Variants in ZBTB8A observed in about 807,000 individuals in gnomAD.
The protein encoded by ZBTB8A is zinc finger and BTB domain containing 8A, also known as zinc finger and BTB domain-containing protein 8A.
Under a neutral mutation model 37.8 loss-of-function variants are expected in ZBTB8A, and 19 were observed. The observed-to-expected ratio is 0.50, with a 90% CI of 0.35 to 0.74. ZBTB8A has a LOEUF of 0.74. Ranked by LOEUF, ZBTB8A falls within the 30% of genes least tolerant of loss-of-function variation. ZBTB8A has a pLI of 0.01. For synonymous variants in ZBTB8A, 181 were observed against 185.2 expected, an observed-to-expected ratio of 0.98 and a Z score of 0.19; for missense variants, 394 against 537.8, an observed-to-expected ratio of 0.73 and a Z score of 2.65.
At chr1:32,571,581 A>T (rs1557709152) in intron 2 of ZBTB8A, among the ~76,000 whole-genome samples, 1 of 148,302 alleles carries the variant, frequency 6.7e-6, no homozygotes, top group East Asian at 2.0e-4. Flanking sequence ...TACAAATATA[A>T]TTTTTTTTTT....
At chr1:32,550,269 A>G (rs186241512) in intron 1 of ZBTB8A, among the ~76,000 whole-genome samples, 1 of 152,300 alleles carries the variant, frequency 6.6e-6, no homozygotes, top group Non-Finnish European at 1.5e-5. Context: ...TGAAAAAAAT[A>G]GCATTCCATC....
rs1014553817 is a variant in ZBTB8A, at chr1:32,602,301, C to A, written c.*1882C>A. 1 of 138,284 alleles carries A rather than the reference C, an allele frequency of 7.2e-6. No individual in the cohort carries two copies. Among genetic ancestry groups the A allele is most frequent in the Admixed American group, 7.8e-5 (1 of 12,760 alleles). The allele number at this position is 138,284 out of a possible 1,614,324, so 8.6% of individuals were successfully genotyped here. On this transcript the variant is annotated 3_prime_UTR_variant, in exon 5 of 5. Transcript: ENST00000373510. ...TGAGGTTGCGCCATTGCACTCCAGC[C>A]TGGGCAACAAGAGCGAAACTCCGTC...
chr1:32,565,958 T>C (rs1644275136), intron 2 of ZBTB8A, among the ~76,000 whole-genome samples: 1 of 152,036 alleles, frequency 6.6e-6, no homozygotes, highest in African/African-American at 2.4e-5. Flanking sequence ...TCTCAGCACT[T>C]TGGGAGGCTG....
At chr1:32,596,385 A>G (rs1347852551) in intron 4 of ZBTB8A, among the ~76,000 whole-genome samples, 3 of 150,878 alleles carry the variant, frequency 2.0e-5, no homozygotes, top group South Asian at 2.1e-4. Context: ...AAAAAAAAAG[A>G]CCAGCCTGGC....
intron 2 of ZBTB8A, among the ~76,000 whole-genome samples, chr1:32,584,842 A>G (rs1216094043): frequency 6.6e-6 from 1 of 151,216 alleles, no homozygotes; most frequent in Admixed American, 6.6e-5. Flanking sequence ...TTAATAGTTA[A>G]ATTTTAGCAG....
chr1:32,554,248 A>G (rs1205255642), intron 2 of ZBTB8A, among the ~76,000 whole-genome samples: 10 of 149,876 alleles, frequency 6.7e-5, no homozygotes, highest in Non-Finnish European at 1.2e-4. Context: ...TAGATTTTAT[A>G]TATCAGAGAA....
At chr1:32,566,712 G>T (rs932992012) in intron 2 of ZBTB8A, among the ~76,000 whole-genome samples, 1 of 152,170 alleles carries the variant, frequency 6.6e-6, no homozygotes, top group Non-Finnish European at 1.5e-5. Context: ...AGATGGGGTT[G>T]TCAAGGAAAC....
At chr1:32,576,043 G>T (rs1285041870) in intron 2 of ZBTB8A, among the ~76,000 whole-genome samples, 1 of 152,162 alleles carries the variant, frequency 6.6e-6, no homozygotes, top group Non-Finnish European at 1.5e-5. Context: ...ATATATAGCA[G>T]ATTTCACAAA....
rs1557707660 is a variant in ZBTB8A at position 32,567,814 on chromosome 1, A to AAAAC, written c.-2+14277_-2+14278insCAAA. On this transcript the variant is annotated intron_variant, in intron 2 of 4. Coordinates refer to ENST00000373510, the MANE Select transcript of ZBTB8A (RefSeq NM_001040441.3). Reference sequence around the variant, plus strand: ...CTCAAAAAAAAAAAAAAAAAAAAAAAAAAAAAAAACAAAAACAAAACAAAA... The same window carrying AAAAC: ...CTCAAAAAAAAAAAAAAAAAAAAAAAAAACAAAAAAAAACAAAAACAAAACAAAA... Among the ~76,000 whole-genome samples the AAAAC allele has an allele frequency of 2.3e-4, 7 of 30,492 alleles. 1 individual carries two copies. The highest frequency in any genetic ancestry group is 3.4e-4 in the African/African-American group (2 of 5,958). 20.0% of individuals were successfully genotyped at this position (30,492 alleles called of 152,430 possible). A position where few individuals can be genotyped will look rare whatever the true frequency, so the allele number is the denominator to read the frequency against.
rs1409608026 is a variant in ZBTB8A at position 32,603,367 on chromosome 1, A to G, written c.*2948A>G. On this transcript the variant is annotated 3_prime_UTR_variant, in exon 5 of 5. Transcript: ENST00000373510. ...CTGGTCTCGAACTCCTGACCTCGTG[A>G]TCTGCCCGCCTCAGCCTCCCAAAGT... is the stretch of plus-strand genomic sequence containing the variant. 6.6e-6 allele frequency: 1 copy of G among 152,166 alleles called. No homozygotes were observed. The highest frequency in any genetic ancestry group is 1.5e-5 in the Non-Finnish European group (1 of 68,032). The allele number at this position is 152,166 out of a possible 1,614,324, so 9.4% of individuals were successfully genotyped here.
intron 1 of ZBTB8A, among the ~76,000 whole-genome samples, chr1:32,547,828 C>CAAAAAAAAAAAAAAAAAAA (rs1194254576): frequency 2.3e-4 from 7 of 30,478 alleles, no homozygotes; most frequent in African/African-American, 4.2e-4. Flanking sequence ...ACAAACAAAG[C>CAAAAAAAAAAAAAAAAAAA]AAAAAAAAAA....
intron 1 of ZBTB8A, among the ~76,000 whole-genome samples, chr1:32,552,521 C>T (rs1277518183): frequency 2.0e-5 from 3 of 151,982 alleles, no homozygotes; most frequent in Non-Finnish European, 4.4e-5. Context: ...AAAATATTAG[C>T]CAGGCGTGAT....
intron 4 of ZBTB8A, among the ~76,000 whole-genome samples, chr1:32,598,306 C>T (rs1326991666): frequency 7.3e-6 from 1 of 137,786 alleles, no homozygotes; most frequent in African/African-American, 2.7e-5. Context: ...AATCTCAGCT[C>T]ACTGCAACCT....
chr1:32,546,481 G>T (rs1644105223), intron 1 of ZBTB8A, among the ~76,000 whole-genome samples: 1 of 151,564 alleles, frequency 6.6e-6, no homozygotes, highest in Non-Finnish European at 1.5e-5. Context: ...AGATTTTTCT[G>T]TTAAAATATA....
intron 3 of ZBTB8A, among the ~76,000 whole-genome samples, chr1:32,594,172 C>T (rs1321395728): frequency 2.1e-5 from 3 of 143,030 alleles, no homozygotes; most frequent in African/African-American, 5.2e-5. Flanking sequence ...CCATCCTGGG[C>T]GATAGAGTGA....
At chr1:32,573,237 A>AT (rs35060623) in intron 2 of ZBTB8A, among the ~76,000 whole-genome samples, 1,451 of 128,500 alleles carry the variant, frequency 0.011, 32 homozygotes, top group Admixed American at 0.056. Context: ...CACCCGGCTA[A>AT]TTTTTTTTTT....
chr1:32,599,649 G>A (rs1644560103), intron 4 of ZBTB8A, among the ~76,000 whole-genome samples: 1 of 151,956 alleles, frequency 6.6e-6, no homozygotes, highest in Non-Finnish European at 1.5e-5. Flanking sequence ...CCCCGGAGGC[G>A]GAGGTTGCAG....
chr1:32,581,283 AAT>A (rs1247798490), intron 2 of ZBTB8A, among the ~76,000 whole-genome samples: 1 of 78,344 alleles, frequency 1.3e-5, no homozygotes, highest in Non-Finnish European at 2.4e-5. Flanking sequence ...ATACAATATT[AAT>A]ATATATTTAT....
intron 2 of ZBTB8A, among the ~76,000 whole-genome samples, chr1:32,565,700 C>T (rs1644273239): frequency 6.6e-6 from 1 of 152,020 alleles, no homozygotes. Context: ...TCTTTATGAG[C>T]TCAAATTCAT....
Sources: allele counts gnomAD v4.1 joint callset (sites outside exome capture counted in the v4.1 genomes callset), GRCh38; gene constraint gnomAD v4.1.1; transcripts MANE v1.5; gene names NCBI Gene and HGNC (gene_info 2026-07-23, HGNC 2026-07-21).